The following ZNF841 variants were observed in gnomAD, a reference collection of about 807,000 sequenced individuals.
ZNF841 encodes the protein TCONS_00006091.
ZNF841 carries 11 observed loss-of-function variants against 13.0 expected under a neutral mutation model. That is an observed-to-expected ratio of 0.85 (90% CI 0.53 to 1.40). ZNF841 has a LOEUF of 1.40. ZNF841 is among the 40% of genes most tolerant of loss of function. The probability of loss-of-function intolerance (pLI) is 0.00; values close to 1 mark genes in which losing one functional copy is unlikely to be tolerated. For missense variants in ZNF841, 1,068 were observed against 1,139.5 expected (o/e 0.94, Z 0.90); for synonymous variants, 369 against 381.6 (o/e 0.97, Z 0.38).
In ZNF841 at chr19:52,066,816, T is replaced by C. The variant is rs772015692; in HGVS notation, c.1066A>G (p.Lys356Glu). The change falls in exon 7 of 7, where the codon AAA becomes GAA. Residue 356 changes from lysine to glutamate, a missense_variant. Transcript: ENST00000594440. The stretch of plus-strand genomic sequence containing the variant: ...TGATGAACTGCAAGGTGGGAACTTT[T>C]ACTAAAGGACTTGCCACATTCATTA... Reference protein sequence around the residue: ...ICNECGKSFSKSSHLAVHQRI... With the variant: ...ICNECGKSFSESSHLAVHQRI... The C allele has an allele frequency of 7.4e-6, 12 of 1,613,746 alleles. No homozygotes were observed. The highest frequency in any genetic ancestry group is 1.7e-4 in the Middle Eastern group (1 of 6,058).
chr19:52,079,431 T>TAAAAAAAAAAAAAAAAAAAAAA (rs35306980), intron 4 of ZNF841, among the ~76,000 whole-genome samples: 1 of 83,204 alleles, frequency 1.2e-5, no homozygotes. Context: ...AGGAAATCTG[T>TAAAAAAAAAAAAAAAAAAAAAA]AAAAAAAAAA....
chr19:52,063,386 G>C (rs1358952696), downstream of ZNF841, among the ~76,000 whole-genome samples: 1 of 151,844 alleles, frequency 6.6e-6, no homozygotes, highest in Non-Finnish European at 1.5e-5. Flanking sequence ...TCTCACTCTT[G>C]TCACCCAGGC....
At chr19:52,094,673 C>A (rs927673240) in intron 1 of ZNF841, among the ~76,000 whole-genome samples, 1 of 151,900 alleles carries the variant, frequency 6.6e-6, no homozygotes, top group Non-Finnish European at 1.5e-5. Context: ...TGCTGTGGTT[C>A]TCCCTCTACT....
chr19:52,076,291 G>T, intron 5 of ZNF841, 119 bp from the exon 6 acceptor site: 1 of 1,248,978 alleles, frequency 8.0e-7, no homozygotes, highest in Non-Finnish European at 1.1e-6. Flanking sequence ...CTCATCCATT[G>T]ATTGCCTCCT....
intron 4 of ZNF841, among the ~76,000 whole-genome samples, chr19:52,078,011 G>A (rs1410433256): frequency 6.6e-6 from 1 of 152,194 alleles, no homozygotes; most frequent in African/African-American, 2.4e-5. Flanking sequence ...TCATTATATA[G>A]GCTAGGCGTG....
rs374007180 is a variant in ZNF841 at position 52,082,345 on chromosome 19, A to T, written c.15+2442T>A. ...TGGAAAGAAAATGGAGAGGTTTGCC[A>T]ATCTTCATATGAACCTATTATGACA... is the stretch of plus-strand genomic sequence containing the variant. On this transcript the variant is annotated intron_variant, in intron 4 of 6. Transcript: ENST00000594440. Among the ~76,000 whole-genome samples the T allele has an allele frequency of 3.3e-5, 5 of 152,350 alleles. No individual in the cohort carries two copies. In the East Asian group the frequency reaches 9.6e-4, roughly 29 times the overall value.
Position 52,066,290 on chromosome 19 carries a change from T to G in ZNF841, c.1592A>C (p.His531Pro). The change falls in exon 7 of 7, where the codon CAT (histidine) becomes CCT (proline). Residue 531 changes from histidine (H) to proline (P), a missense_variant. By Grantham distance (77) the His-to-Pro change is moderately conservative. Transcript: ENST00000594440. Reference protein sequence around the residue: ...AFNWGSLLTVHQRIHTGEKPY... With the variant: ...AFNWGSLLTVPQRIHTGEKPY... ...TTTCTCTCCGGTATGAATTCTCTGATGTACAGTTAGTAATGAGCCCCAATT... is the reference window on the plus strand; with the variant it reads ...TTTCTCTCCGGTATGAATTCTCTGAGGTACAGTTAGTAATGAGCCCCAATT... 2 of 1,613,994 alleles carry G rather than the reference T, an allele frequency of 1.2e-6. No homozygotes were observed. The highest frequency in any genetic ancestry group is 1.3e-5 in the African/African-American group (1 of 75,068).
chr19:52,088,253 G>A (rs2088355397), intron 3 of ZNF841, among the ~76,000 whole-genome samples: 1 of 152,046 alleles, frequency 6.6e-6, no homozygotes, highest in African/African-American at 2.4e-5. Flanking sequence ...CTCCACTTAG[G>A]CCTTGCTTCT....
At chr19:52,064,069 G>A (rs1295738337), downstream of ZNF841, among the ~76,000 whole-genome samples, 2 of 152,016 alleles carry the variant, frequency 1.3e-5, no homozygotes, top group Non-Finnish European at 2.9e-5. Context: ...TTCTGGCCGG[G>A]CGCAGTGGCT....
At chr19:52,083,972 A>AAT (rs1275409794) in intron 4 of ZNF841, among the ~76,000 whole-genome samples, 4 of 152,080 alleles carry the variant, frequency 2.6e-5, no homozygotes, top group African/African-American at 7.2e-5. Flanking sequence ...CCACAAAACA[A>AAT]ATATATATAT....
rs531036571 is a variant in ZNF841, at chr19:52,074,918, C to T, written c.271+1126G>A. 4.6e-5 allele frequency among the ~76,000 whole-genome samples: 7 copies of T among 152,326 alleles called. No individual in the cohort carries two copies. In the South Asian group the frequency reaches 1.0e-3, roughly 23 times the overall value. On this transcript the variant is annotated intron_variant, in intron 6 of 6. Transcript: ENST00000594440. ...GTACCCTTGAAAGATACTTTTGTGA[C>T]ATTTCTCAGAAACCAGGCTCTTGTG...
At chr19:52,078,677 T>C (rs527700229) in intron 4 of ZNF841, among the ~76,000 whole-genome samples, 7 of 140,132 alleles carry the variant, frequency 5.0e-5, no homozygotes, top group African/African-American at 8.1e-5. Flanking sequence ...CCAGCCTGGG[T>C]GACAGAGCAA....
At chr19:52,084,754 A>C in intron 4 of ZNF841, 33 bp downstream of exon 4, 1 of 1,611,460 alleles carries the variant, frequency 6.2e-7, no homozygotes. Flanking sequence ...AAAAGGGAGG[A>C]GACAGAACAA....
chr19:52,076,650 CAAAA>C (rs35136245), intron 5 of ZNF841, among the ~76,000 whole-genome samples: 4 of 109,002 alleles, frequency 3.7e-5, no homozygotes, highest in Admixed American at 9.3e-5. Context: ...GAGACTGTGT[CAAAA>C]AAAAAAAAAA....
rs138532772 is a variant in ZNF841 at position 52,069,233 on chromosome 19, C to T, written c.272-1623G>A. 2.6e-4 allele frequency among the ~76,000 whole-genome samples: 40 copies of T among 152,186 alleles called. No homozygotes were observed. In the East Asian group the frequency reaches 7.4e-3, roughly 28 times the overall value. The stretch of plus-strand genomic sequence containing the variant: ...GACCACAGATGCATGCCATCATGCC[C>T]GGTTAATTTTTTTGTAGTTTTGGTA... On this transcript the variant is annotated intron_variant, in intron 6 of 6. Transcript: ENST00000594440.
chr19:52,077,340 A>G (rs1359405218), intron 4 of ZNF841, among the ~76,000 whole-genome samples: 11 of 152,212 alleles, frequency 7.2e-5, no homozygotes, highest in African/African-American at 2.7e-4. Flanking sequence ...GGTTATCCCT[A>G]TGAAAGTTTT....
At chr19:52,086,461 C>T (rs1321883762) in intron 3 of ZNF841, among the ~76,000 whole-genome samples, 1 of 152,190 alleles carries the variant, frequency 6.6e-6, no homozygotes, top group Non-Finnish European at 1.5e-5. Flanking sequence ...TTCTTGCAGC[C>T]TCCCCAGAAG....
chr19:52,073,296 T>G (rs1047661198), intron 6 of ZNF841, among the ~76,000 whole-genome samples: 64 of 152,160 alleles, frequency 4.2e-4, no homozygotes, highest in African/African-American at 1.1e-3. Context: ...AGTTGTTGTT[T>G]TTTTTTCTTT....
chr19:52,074,997 A>C (rs1187774732), intron 6 of ZNF841, among the ~76,000 whole-genome samples: 1 of 152,244 alleles, frequency 6.6e-6, no homozygotes, highest in Non-Finnish European at 1.5e-5. Context: ...TCTGGCTTTA[A>C]TAGTTACCTC....
Sources: allele counts gnomAD v4.1 joint callset (sites outside exome capture counted in the v4.1 genomes callset), GRCh38; gene constraint gnomAD v4.1.1; transcripts MANE v1.5; gene names NCBI Gene and HGNC (gene_info 2026-07-23, HGNC 2026-07-21).